Variants in PINX1 observed in about 807,000 individuals in gnomAD.
PINX1 encodes PIN2 (TERF1) interacting telomerase inhibitor 1.
A neutral mutation model predicts 25.4 loss-of-function variants in PINX1; 34 were observed. The ratio of observed to expected loss-of-function variants is 1.34; its 90% CI spans 1.02 to 1.78. The LOEUF is 1.78. Among genes scored for constraint, PINX1 ranks in the 40% most tolerant of loss-of-function variants. The probability of loss-of-function intolerance (pLI) is 0.00; values close to 1 mark genes in which losing one functional copy is unlikely to be tolerated. For missense variants in PINX1, 592 were observed against 404.9 expected, an observed-to-expected ratio of 1.46 and a Z score of -3.97; for synonymous variants, 197 against 147.7, an observed-to-expected ratio of 1.33 and a Z score of -2.42.
intron 6 of PINX1, among the ~76,000 whole-genome samples, chr8:10,817,715 T>A (rs1340059244): frequency 5.3e-5 from 8 of 152,162 alleles, no homozygotes. Flanking sequence ...ATGTACAGGC[T>A]CTCAGCCCCC....
chr8:10,819,117 T>C (rs927614004), intron 6 of PINX1, among the ~76,000 whole-genome samples: 7 of 152,210 alleles, frequency 4.6e-5, no homozygotes, highest in African/African-American at 1.4e-4. Context: ...CAGGTATCCT[T>C]TCCCAGCCTG....
chr8:10,831,713 T>TA lies in PINX1; in HGVS notation c.252dup (p.Asn85Ter), dbSNP rs1388149464. ...GTGTTCAGTTCGGCCAGAAGCTGGT[T>TA]AAAATCATCCTGATGGGCAATCCAG... is the stretch of plus-strand genomic sequence containing the variant. On this transcript the variant is annotated frameshift_variant, in exon 4 of 7. Coordinates refer to ENST00000314787, the MANE Select transcript of PINX1 (RefSeq NM_017884.6). LOFTEE classifies it high-confidence loss of function. 6.2e-7 allele frequency: 1 copy of TA among 1,600,906 alleles called. No individual in the cohort carries two copies. Among genetic ancestry groups the TA allele is most frequent in the Non-Finnish European group, 8.5e-7 (1 of 1,172,224 alleles).
At chr8:10,833,878 C>T (rs1245038571) in intron 2 of PINX1, 2 of 155,356 alleles carry the variant, frequency 1.3e-5, no homozygotes, top group African/African-American at 2.4e-5. Flanking sequence ...ATGGGGAAAA[C>T]CTGGGAAAAA....
chr8:10,814,548 CAT>C (rs1236523765), intron 6 of PINX1, among the ~76,000 whole-genome samples: 1 of 152,198 alleles, frequency 6.6e-6, no homozygotes, highest in African/African-American at 2.4e-5. Context: ...TTTTTAAAAA[CAT>C]AAAATGGTGT....
At chr8:10,816,356 C>T (rs1444731753) in intron 6 of PINX1, among the ~76,000 whole-genome samples, 1 of 152,190 alleles carries the variant, frequency 6.6e-6, no homozygotes, top group Admixed American at 6.5e-5. Context: ...AGAAAAAACC[C>T]TCATGACTAT....
intron 6 of PINX1, among the ~76,000 whole-genome samples, chr8:10,797,511 C>CT (rs941962546): frequency 9.9e-5 from 15 of 152,160 alleles, no homozygotes; most frequent in Non-Finnish European, 1.9e-4. Context: ...ACAGAAACAA[C>CT]TTTCTAAAAA....
intron 6 of PINX1, among the ~76,000 whole-genome samples, chr8:10,796,672 A>T (rs1802094082): frequency 6.6e-6 from 1 of 151,936 alleles, no homozygotes. Flanking sequence ...CACATTTTTT[A>T]TCTGCGATTT....
intron 1 of PINX1, 152 bp downstream of exon 1, chr8:10,839,586 G>T: frequency 2.7e-6 from 2 of 748,016 alleles, no homozygotes; most frequent in South Asian, 1.6e-5. Context: ...CGGCGAGCAG[G>T]ACAATCAGAG....
intron 6 of PINX1, among the ~76,000 whole-genome samples, chr8:10,814,826 G>A (rs1299156395): frequency 1.3e-5 from 2 of 152,236 alleles, no homozygotes; most frequent in Admixed American, 1.3e-4. Context: ...ACTGGAGCCA[G>A]TCACATGCTG....
chr8:10,778,004 G>A lies in PINX1; in HGVS notation c.472-12088C>T, dbSNP rs573663637. On this transcript the variant is annotated intron_variant, in intron 6 of 6. Coordinates refer to ENST00000314787, the MANE Select transcript of PINX1 (RefSeq NM_017884.6). Reference sequence around the variant, plus strand: ...CCTCACAGTGCAAAGGAACAAGGGAGGCTATGGGACACTCCTCCAAATACA... The same window carrying A: ...CCTCACAGTGCAAAGGAACAAGGGAAGCTATGGGACACTCCTCCAAATACA... Among the ~76,000 whole-genome samples, 10 of 152,312 alleles carry A rather than the reference G, an allele frequency of 6.6e-5. No homozygotes were observed. In the East Asian group the frequency reaches 1.7e-3, roughly 27 times the overall value.
chr8:10,793,563 G>A (rs1406429048), intron 6 of PINX1, among the ~76,000 whole-genome samples: 1 of 152,196 alleles, frequency 6.6e-6, no homozygotes, highest in Non-Finnish European at 1.5e-5. Flanking sequence ...GCCATGGGCT[G>A]GACAAGCTTG....
At chr8:10,812,871 A>G (rs563791773) in intron 6 of PINX1, among the ~76,000 whole-genome samples, 1 of 152,326 alleles carries the variant, frequency 6.6e-6, no homozygotes, top group Non-Finnish European at 1.5e-5. Context: ...ACCAGACACA[A>G]TTTGGCTTAG....
At chr8:10,783,743 G>A (rs1801663695) in intron 6 of PINX1, among the ~76,000 whole-genome samples, 1 of 152,192 alleles carries the variant, frequency 6.6e-6, no homozygotes, top group Admixed American at 6.5e-5. Context: ...AAAAGGAATT[G>A]GAGGGGAGAG....
chr8:10,834,213 TAG>T, intron 2 of PINX1: 1 of 155,752 alleles, frequency 6.4e-6, no homozygotes, highest in South Asian at 2.0e-4. Flanking sequence ...GAAGAGACAA[TAG>T]CACTGTGGAG....
In PINX1 at chr8:10,765,475, G is replaced by C; in HGVS notation, c.913C>G (p.Pro305Ala). The change falls in exon 7 of 7, where the codon CCA (proline) becomes GCA (alanine). Residue 305 changes from proline to alanine, a missense_variant. Coordinates refer to ENST00000314787, the MANE Select transcript of PINX1 (RefSeq NM_017884.6). ...KRRGKKKLQKPVEIAEDATLE... is the reference protein window; with the variant it reads ...KRRGKKKLQKAVEIAEDATLE... The stretch of plus-strand genomic sequence containing the variant: ...GTAGCGTCCTCTGCTATCTCTACTG[G>C]TTTTTGCAGCTTTTTCTTCCCTCTC... 1 of 1,613,384 alleles carries C rather than the reference G, an allele frequency of 6.2e-7. No homozygotes were observed. The highest frequency in any genetic ancestry group is 8.5e-7 in the Non-Finnish European group (1 of 1,179,864).
At chr8:10,800,958 C>G (rs1388724914) in intron 6 of PINX1, among the ~76,000 whole-genome samples, 1 of 152,184 alleles carries the variant, frequency 6.6e-6, no homozygotes, top group Non-Finnish European at 1.5e-5. Flanking sequence ...GACACTGAGT[C>G]AGTGTGAGAT....
intron 5 of PINX1, among the ~76,000 whole-genome samples, chr8:10,824,162 A>G (rs1464521436): frequency 2.0e-5 from 3 of 152,248 alleles, no homozygotes; most frequent in African/African-American, 7.2e-5. Flanking sequence ...ATAGTCACTT[A>G]CAAATGTATC....
intron 1 of PINX1, among the ~76,000 whole-genome samples, chr8:10,835,773 G>A (rs1270997770): frequency 1.3e-5 from 2 of 152,026 alleles, no homozygotes; most frequent in Non-Finnish European, 2.9e-5. Flanking sequence ...AATGGAAAGA[G>A]GAAGAAAGGA....
intron 4 of PINX1, among the ~76,000 whole-genome samples, chr8:10,830,114 C>G (rs1052344539): frequency 6.6e-6 from 1 of 152,160 alleles, no homozygotes; most frequent in African/African-American, 2.4e-5. Flanking sequence ...ATGAGTCATT[C>G]AGTATTTTCA....
Sources: gnomAD v4.1 joint callset for allele counts (sites outside exome capture counted in the v4.1 genomes callset) on GRCh38, gnomAD v4.1.1 for gene constraint, MANE v1.5 for transcripts, NCBI Gene and HGNC (gene_info 2026-07-23, HGNC 2026-07-21) for gene names.